The following PLCL2 variants were observed in gnomAD, a reference collection of about 807,000 sequenced individuals.
PLCL2 encodes inactive phospholipase C-like protein 2.
In PLCL2, 4 loss-of-function variants were observed where a neutral mutation model predicts 79.6. The ratio of observed to expected loss-of-function variants is 0.05; its 90% CI spans 0.02 to 0.11. PLCL2 has a LOEUF of 0.11. Ranked by LOEUF, PLCL2 falls within the 10% of genes least tolerant of loss-of-function variation. The pLI is 1.00. For missense variants in PLCL2, 895 were observed against 1,291.0 expected (o/e 0.69, Z 4.70); for synonymous variants, 484 against 457.7 (o/e 1.06, Z -0.73).
At chr3:17,033,435 G>A (rs1350211209) in intron 3 of PLCL2, among the ~76,000 whole-genome samples, 2 of 151,948 alleles carry the variant, frequency 1.3e-5, no homozygotes, top group Admixed American at 6.6e-5. Flanking sequence ...CAAATTTTTT[G>A]GAAATATTTT....
chr3:16,885,407 C>T (rs1156353832), intron 1 of PLCL2, 41 bp downstream of exon 1: 3 of 554,824 alleles, frequency 5.4e-6, no homozygotes, highest in Non-Finnish European at 6.4e-6. Context: ...CCTCAGCCGT[C>T]CTTGGATTCT....
rs376834722 is a variant in PLCL2, at chr3:16,946,953, C to T, written c.327+61587C>T. ...ATGAATATAAAATTAAAGTTTCATT[C>T]TTTTTTTTTTTTTTTTTTTTGAGAC... On this transcript the variant is annotated intron_variant, in intron 1 of 5. Transcript: ENST00000615277. Among the ~76,000 whole-genome samples, 357 of 95,204 alleles carry T rather than the reference C, an allele frequency of 3.7e-3. 1 individual carries two copies. The highest frequency in any genetic ancestry group is 7.1e-3 in the Middle Eastern group (1 of 140). 62.5% of individuals were successfully genotyped at this position (95,204 alleles called of 152,430 possible).
chr3:17,079,285 C>A (rs1207953107), intron 5 of PLCL2, among the ~76,000 whole-genome samples: 1 of 152,144 alleles, frequency 6.6e-6, no homozygotes, highest in African/African-American at 2.4e-5. Context: ...CCTGACACCC[C>A]ACCTTCTGTG....
intron 1 of PLCL2, among the ~76,000 whole-genome samples, chr3:16,891,524 G>T (rs1161186035): frequency 6.8e-6 from 1 of 147,380 alleles, no homozygotes; most frequent in African/African-American, 2.7e-5. Flanking sequence ...AATTGTTTTG[G>T]TGTCTTTCTA....
At chr3:16,964,144 G>T (rs1050035121) in intron 1 of PLCL2, among the ~76,000 whole-genome samples, 1 of 151,676 alleles carries the variant, frequency 6.6e-6, no homozygotes, top group Admixed American at 6.6e-5. Context: ...TTTACATTAG[G>T]TATATCTCCT....
Position 16,986,221 on chromosome 3 carries a change from T to C in PLCL2, c.328-23453T>C, listed in dbSNP as rs139188255. 1.3e-3 allele frequency among the ~76,000 whole-genome samples: 201 copies of C among 152,152 alleles called. 1 individual carries two copies. The highest frequency in any genetic ancestry group is 4.5e-3 in the African/African-American group (185 of 41,488). On this transcript the variant is annotated intron_variant, in intron 1 of 5. Coordinates refer to ENST00000615277, the MANE Select transcript of PLCL2 (RefSeq NM_001144382.2). Reference sequence around the variant, plus strand: ...TAGCCTCCCTGAGTATTGGGTTTCTTTGTAGAAGGTAGAAGATAGTATCAA... The same window carrying C: ...TAGCCTCCCTGAGTATTGGGTTTCTCTGTAGAAGGTAGAAGATAGTATCAA...
chr3:16,927,967 C>G (rs975361624), intron 1 of PLCL2, among the ~76,000 whole-genome samples: 1 of 152,216 alleles, frequency 6.6e-6, no homozygotes, highest in Non-Finnish European at 1.5e-5. Context: ...GACAGCAGCC[C>G]GTTTTTCAAA....
In PLCL2 at chr3:16,886,896, A is replaced by C. The variant is rs1696237361; in HGVS notation, c.327+1530A>C. On this transcript the variant is annotated intron_variant, in intron 1 of 5. Coordinates refer to ENST00000615277, the MANE Select transcript of PLCL2 (RefSeq NM_001144382.2). The surrounding 1 kb of genome is among the most constrained non-coding windows in gnomAD (Gnocchi z 4.2). ...AATAAAATTTGAGGTGAAAATTCCA[A>C]AGAAGATACCAGCCTACCTAATTTT... Among the ~76,000 whole-genome samples the C allele has an allele frequency of 6.6e-6, 1 of 152,226 alleles. No homozygotes were observed. Among genetic ancestry groups the C allele is most frequent in the African/African-American group, 2.4e-5 (1 of 41,460 alleles).
intron 1 of PLCL2, among the ~76,000 whole-genome samples, chr3:16,962,456 TG>T (rs1424856252): frequency 6.6e-6 from 1 of 152,032 alleles, no homozygotes; most frequent in Non-Finnish European, 1.5e-5. Flanking sequence ...CTTTGATGTT[TG>T]ATTCTTATGC....
chr3:16,953,824 C>T (rs2063674860), intron 1 of PLCL2, among the ~76,000 whole-genome samples: 1 of 151,748 alleles, frequency 6.6e-6, no homozygotes, highest in African/African-American at 2.4e-5. Context: ...TTATAGTAGA[C>T]ATAGAAATAC....
intron 5 of PLCL2, among the ~76,000 whole-genome samples, chr3:17,073,175 T>G (rs1383018151): frequency 1.3e-5 from 2 of 152,198 alleles, no homozygotes; most frequent in East Asian, 1.9e-4. Context: ...TTTTGACAAG[T>G]GTATGTACAG....
chr3:16,996,256 G>A (rs2064151629), intron 1 of PLCL2, among the ~76,000 whole-genome samples: 1 of 152,086 alleles, frequency 6.6e-6, no homozygotes, highest in African/African-American at 2.4e-5. Flanking sequence ...TGGTTATAGT[G>A]AGAGGAGTGG....
chr3:16,920,442 T>C, intron 1 of PLCL2, among the ~76,000 whole-genome samples: 1 of 152,336 alleles, frequency 6.6e-6, no homozygotes. Context: ...TTTATAAAAG[T>C]TAATTTTATT....
intron 1 of PLCL2, among the ~76,000 whole-genome samples, chr3:16,940,791 T>A (rs1697661345): frequency 6.6e-6 from 1 of 152,242 alleles, no homozygotes; most frequent in Admixed American, 6.5e-5. Flanking sequence ...TAGCTTCTTT[T>A]ATTATAAAGA....
rs1343558129 is a variant in PLCL2, at chr3:17,010,735, T to C, written c.1389T>C (p.Leu463=). ...ACATCACAGGATATATTCGAGCTCT[T>C]AAAATGGGTTGCCGGAGTGTTGAAT... ...PSDITGYIRA[L]KMGCRSVELD... Residue 463 remains leucine (L), a synonymous_variant, in exon 2 of 6, where the codon CTT becomes CTC. Transcript: ENST00000615277. This position sits in a 1 kb window ranked among gnomAD's most constrained non-coding sequence, Gnocchi z 5.8. The C allele has an allele frequency of 1.2e-6, 2 of 1,614,126 alleles. No homozygotes were observed. The highest frequency in any genetic ancestry group is 1.7e-6 in the Non-Finnish European group (2 of 1,180,002).
intron 1 of PLCL2, among the ~76,000 whole-genome samples, chr3:16,934,585 C>A (rs1257428492): frequency 6.6e-6 from 1 of 152,076 alleles, no homozygotes; most frequent in Admixed American, 6.6e-5. Context: ...CCAGTGAAGA[C>A]CTTTATCAGG....
chr3:16,960,855 G>C (rs930945904), intron 1 of PLCL2, among the ~76,000 whole-genome samples: 4 of 152,060 alleles, frequency 2.6e-5, no homozygotes, highest in Non-Finnish European at 4.4e-5. Context: ...ACCCTTCTCT[G>C]TCTCCTCTGG....
intron 3 of PLCL2, among the ~76,000 whole-genome samples, chr3:17,018,932 CT>C (rs561487227): frequency 1.1e-4 from 16 of 151,430 alleles, no homozygotes; most frequent in Non-Finnish European, 2.1e-4. Context: ...ATGAAAAAGA[CT>C]TTTTTTTTCC....
intron 1 of PLCL2, among the ~76,000 whole-genome samples, chr3:16,941,960 G>A (rs17042926): frequency 0.4 from 60,155 of 151,820 alleles, 12,399 homozygotes; most frequent in African/African-American, 0.47. Context: ...CTTAAGAACC[G>A]GGACCATTCT....
Sources: allele counts gnomAD v4.1 joint callset (sites outside exome capture counted in the v4.1 genomes callset), GRCh38; gene constraint gnomAD v4.1.1; non-coding constraint Gnocchi (gnomAD v3.1); transcripts MANE v1.5; gene names NCBI Gene and HGNC (gene_info 2026-07-23, HGNC 2026-07-21).